ANKRD36B: variants seen among roughly 807,000 people sequenced by gnomAD.
ANKRD36B encodes the protein ankyrin repeat domain 36B.
A neutral mutation model predicts 135.7 loss-of-function variants in ANKRD36B; 37 were observed. That is an observed-to-expected ratio of 0.27 (90% CI 0.21 to 0.36). The LOEUF is 0.36. Ranked by LOEUF, ANKRD36B falls within the 10% of genes least tolerant of loss-of-function variation. ANKRD36B has a pLI of 1.00. For missense variants in ANKRD36B, 549 were observed against 1,037.1 expected (o/e 0.53, Z 6.46); for synonymous variants, 179 against 348.1 (o/e 0.51, Z 5.41).
intron 6 of ANKRD36B, among the ~76,000 whole-genome samples, chr2:97,569,664 G>A (rs2081696849): frequency 2.0e-5 from 3 of 152,062 alleles, no homozygotes; most frequent in Non-Finnish European, 4.4e-5. Flanking sequence ...GATGGCGTAT[G>A]TGAAAAATCT....
At chr2:97,528,367 C>T (rs2078343616) in intron 35 of ANKRD36B, among the ~76,000 whole-genome samples, 1 of 93,928 alleles carries the variant, frequency 1.1e-5, no homozygotes, top group Non-Finnish European at 2.8e-5. Flanking sequence ...AGAACAAAGA[C>T]ACAACATACC....
intron 6 of ANKRD36B, among the ~76,000 whole-genome samples, chr2:97,565,864 G>GGTGTGT (rs869177777): frequency 5.4e-5 from 8 of 147,098 alleles, no homozygotes; most frequent in African/African-American, 1.7e-4. Flanking sequence ...ATATACTCGG[G>GGTGTGT]GTGTGTGTGT....
rs541490661 is a variant in ANKRD36B, at chr2:97,534,162, C to A, written c.2192-1778G>T. Among the ~76,000 whole-genome samples the A allele has an allele frequency of 2.0e-4, 19 of 95,320 alleles. 4 individuals carry two copies. In the East Asian group the frequency reaches 3.7e-3, roughly 19 times the overall value. The allele number at this position is 95,320 out of a possible 152,430, so 62.5% of individuals were successfully genotyped here. A position where few individuals can be genotyped will look rare whatever the true frequency, so the allele number is the denominator to read the frequency against. On this transcript the variant is annotated intron_variant, in intron 34 of 43. Coordinates refer to ENST00000359901, the MANE Select transcript of ANKRD36B (RefSeq NM_001393939.1). The stretch of plus-strand genomic sequence containing the variant: ...TTAATAACATTTTATACTTCAAAAT[C>A]AGTACAACGTTCACTGATTATTTTG...
Position 97,589,835 on chromosome 2 carries a change from C to G in ANKRD36B, c.-150G>C. 1 of 1,088,960 alleles carries G rather than the reference C, an allele frequency of 9.2e-7. No homozygotes were observed. Among genetic ancestry groups the G allele is most frequent in the East Asian group, 2.6e-5 (1 of 38,834 alleles). The allele number at this position is 1,088,960 out of a possible 1,614,324, so 67.5% of individuals were successfully genotyped here. A position where few individuals can be genotyped will look rare whatever the true frequency, so the allele number is the denominator to read the frequency against. On this transcript the variant is annotated 5_prime_UTR_variant, in exon 1 of 44. Coordinates refer to ENST00000359901, the MANE Select transcript of ANKRD36B (RefSeq NM_001393939.1). ...GTCTGTGCACGGACCTCCGCGCAGA[C>G]TCTCAGCGCCTCCCGCCTCTCCGCA...
chr2:97,555,070 T>A lies in ANKRD36B; in HGVS notation c.1161A>T (p.Gln387His), dbSNP rs761270456. Residue 387 changes from glutamine to histidine, a missense_variant, in exon 14 of 44, where the codon CAA becomes CAT. Gln to His is a conservative substitution (Grantham distance 24). Coordinates refer to ENST00000359901, the MANE Select transcript of ANKRD36B (RefSeq NM_001393939.1). The part of the protein sequence containing the change: ...NTATEIKDGL[Q>H]CGTVSSQKQQ... ...GTTTTGCAAAATTACCTGTCCCACA[T>A]TGTAGTCCATCCTTTATTTCTGTAG... is the stretch of plus-strand genomic sequence containing the variant. 1 of 1,611,832 alleles carries A rather than the reference T, an allele frequency of 6.2e-7. No homozygotes were observed. Among genetic ancestry groups the A allele is most frequent in the African/African-American group, 1.3e-5 (1 of 74,890 alleles).
At chr2:97,539,147 A>C (rs2079029586) in intron 30 of ANKRD36B, among the ~76,000 whole-genome samples, 1 of 97,476 alleles carries the variant, frequency 1.0e-5, no homozygotes, top group African/African-American at 3.1e-5. Context: ...GGAAATCACT[A>C]CAATATTCAT....
At chr2:97,543,097 C>T (rs566606412) in intron 26 of ANKRD36B, among the ~76,000 whole-genome samples, 34 of 152,252 alleles carry the variant, frequency 2.2e-4, no homozygotes, top group Admixed American at 7.2e-4. Flanking sequence ...ATCAACAAAA[C>T]GTGTAAGTCT....
At chr2:97,563,985 T>C (rs1201900902) in intron 6 of ANKRD36B, among the ~76,000 whole-genome samples, 1 of 100,510 alleles carries the variant, frequency 9.9e-6, no homozygotes, top group Non-Finnish European at 2.7e-5. Flanking sequence ...TCAACATGGA[T>C]AGATCTGAAA....
At chr2:97,579,522 C>CTATATA (rs112707466) in intron 4 of ANKRD36B, among the ~76,000 whole-genome samples, 1 of 143,694 alleles carries the variant, frequency 7.0e-6, no homozygotes, top group Admixed American at 7.1e-5. Flanking sequence ...TAATTAAACA[C>CTATATA]TATATATATA....
At chr2:97,519,839 A>G (rs538857800) in intron 36 of ANKRD36B, among the ~76,000 whole-genome samples, 15 of 80,352 alleles carry the variant, frequency 1.9e-4, no homozygotes, top group Middle Eastern at 6.2e-3. Flanking sequence ...GTGAACCCCA[A>G]TGCAAATTAT....
At position 97,524,518 on chromosome 2, in the gene ANKRD36B, A is replaced by G. The variant is rs1289089442; in HGVS notation, c.2266-1051T>C. ...AAGGTGACTGGCAAGCATATTCTGGAGACCCAGAGTATGAATGAGAAAGAA... is the reference window on the plus strand; with the variant it reads ...AAGGTGACTGGCAAGCATATTCTGGGGACCCAGAGTATGAATGAGAAAGAA... On this transcript the variant is annotated intron_variant, in intron 35 of 43. Coordinates refer to ENST00000359901, the MANE Select transcript of ANKRD36B (RefSeq NM_001393939.1). The G allele has an allele frequency of 2.1e-5, 2 of 96,106 alleles. 1 individual carries two copies. Among genetic ancestry groups the G allele is most frequent in the Non-Finnish European group, 5.5e-5 (2 of 36,164 alleles). The allele number at this position is 96,106 out of a possible 1,614,324, so 6.0% of individuals were successfully genotyped here.
intron 22 of ANKRD36B, 120 bp downstream of exon 22, chr2:97,547,416 A>T (rs919453739): frequency 8.9e-7 from 1 of 1,119,658 alleles, no homozygotes. Context: ...GAAATGAAGA[A>T]TCTCAGGACT....
chr2:97,545,643 A>G (rs1219218898), intron 24 of ANKRD36B, 23 bp downstream of exon 24: 1 of 950,728 alleles, frequency 1.1e-6, no homozygotes. Flanking sequence ...CGAACATCAT[A>G]TTAAATGTGT....
chr2:97,563,078 C>T (rs1379492422), intron 6 of ANKRD36B, among the ~76,000 whole-genome samples: 1 of 151,992 alleles, frequency 6.6e-6, no homozygotes, highest in Non-Finnish European at 1.5e-5. Flanking sequence ...CTTTGTGGAG[C>T]TATTTTATGT....
rs548644739 is a variant in ANKRD36B, at chr2:97,527,597, G to T, written c.2266-4130C>A. 0.013 allele frequency among the ~76,000 whole-genome samples: 1,265 copies of T among 93,994 alleles called. 377 individuals carry two copies. In the East Asian group the frequency reaches 0.16, roughly 12 times the overall value. 61.7% of individuals were successfully genotyped at this position (93,994 alleles called of 152,430 possible). ...AATGGACTAAATGCTCCAATTAAAA[G>T]ACACAGACTGGCAAATTGGATAAAG... is the stretch of plus-strand genomic sequence containing the variant. On this transcript the variant is annotated intron_variant, in intron 35 of 43. Coordinates refer to ENST00000359901, the MANE Select transcript of ANKRD36B (RefSeq NM_001393939.1).
intron 10 of ANKRD36B, 21 bp downstream of exon 10, chr2:97,558,778 A>G (rs2080758765): frequency 6.2e-7 from 1 of 1,610,692 alleles, no homozygotes; most frequent in South Asian, 1.1e-5. Context: ...ACATGACATT[A>G]AATGTGTTTT....
intron 18 of ANKRD36B, among the ~76,000 whole-genome samples, chr2:97,550,780 A>C (rs1431788587): frequency 6.6e-6 from 1 of 151,832 alleles, no homozygotes; most frequent in African/African-American, 2.4e-5. Context: ...CTCAGCAGTA[A>C]CCCCAAAATT....
intron 35 of ANKRD36B, among the ~76,000 whole-genome samples, chr2:97,525,839 T>A (rs1481910591): frequency 4.1e-5 from 4 of 97,418 alleles, no homozygotes; most frequent in Admixed American, 9.0e-5. Flanking sequence ...AAGGCAGCAG[T>A]GAGGCTGGGG....
At chr2:97,587,234 T>C (rs1166703414) in intron 1 of ANKRD36B, among the ~76,000 whole-genome samples, 1 of 152,180 alleles carries the variant, frequency 6.6e-6, no homozygotes, top group Non-Finnish European at 1.5e-5. Flanking sequence ...TTTTTTTCTT[T>C]GCAAGATTTA....
Sources: gnomAD v4.1 joint callset for allele counts (sites outside exome capture counted in the v4.1 genomes callset) on GRCh38, gnomAD v4.1.1 for gene constraint, MANE v1.5 for transcripts, NCBI Gene and HGNC (gene_info 2026-07-23, HGNC 2026-07-21) for gene names.